SLC71A1: variants seen among roughly 807,000 people sequenced by gnomAD.
SLC71A1 encodes the protein solute carrier family 71 member 1.
At chr1:100,044,341 A>G in the SLC71A1 span, among the ~76,000 whole-genome samples, 1 of 152,062 alleles carries the variant, frequency 6.6e-6, no homozygotes, top group Non-Finnish European at 1.5e-5. Context: ...GGCTTATTGT[A>G]TGCCTTTTGA....
chr1:100,038,928 C>G, the SLC71A1 span, among the ~76,000 whole-genome samples: 1 of 152,222 alleles, frequency 6.6e-6, no homozygotes, highest in African/African-American at 2.4e-5. Flanking sequence ...ACGGCAGACA[C>G]CTGGGGCCTA....
chr1:100,053,091 TC>T, the SLC71A1 span, among the ~76,000 whole-genome samples: 1 of 152,372 alleles, frequency 6.6e-6, no homozygotes. Context: ...GCCTGGCATA[TC>T]TACTTTTTAG....
At chr1:100,043,864 A>C in the SLC71A1 span, among the ~76,000 whole-genome samples, 1 of 152,194 alleles carries the variant, frequency 6.6e-6, no homozygotes, top group East Asian at 1.9e-4. Flanking sequence ...ATTCCATCCA[A>C]GTTTCTGCAA....
chr1:100,069,876 A>C, the SLC71A1 span, among the ~76,000 whole-genome samples: 5 of 152,178 alleles, frequency 3.3e-5, no homozygotes, highest in Non-Finnish European at 7.4e-5. Flanking sequence ...TTAATATAGG[A>C]TATATAAACG....
the SLC71A1 span, among the ~76,000 whole-genome samples, chr1:100,073,160 C>T: frequency 1.2e-4 from 18 of 152,318 alleles, no homozygotes; most frequent in African/African-American, 4.1e-4. Context: ...TCACCTCTCT[C>T]TCCAAAATAT....
At chr1:100,069,901 T>C in the SLC71A1 span, among the ~76,000 whole-genome samples, 64 of 152,238 alleles carry the variant, frequency 4.2e-4, no homozygotes, top group Admixed American at 1.7e-3. Context: ...AGCTAGTTTA[T>C]TGATGTATAC....
the SLC71A1 span, chr1:100,082,055 T>A: frequency 6.2e-7 from 1 of 1,613,816 alleles, no homozygotes; most frequent in Non-Finnish European, 8.5e-7. Context: ...TCAGTACTGC[T>A]GGCTCTGCTT....
the SLC71A1 span, chr1:100,077,206 G>T: frequency 6.4e-7 from 1 of 1,564,950 alleles, no homozygotes; most frequent in Non-Finnish European, 8.7e-7. Context: ...TTGGAAATAA[G>T]AACACCATTT....
chr1:100,066,756 G>A, the SLC71A1 span, among the ~76,000 whole-genome samples: 5 of 152,042 alleles, frequency 3.3e-5, no homozygotes, highest in African/African-American at 1.2e-4. Flanking sequence ...TTGGGAGGCC[G>A]AGGCGGGCGG....
At chr1:100,080,514 T>C in the SLC71A1 span, 55 of 1,613,568 alleles carry the variant, frequency 3.4e-5, no homozygotes, top group Non-Finnish European at 1.8e-5. Flanking sequence ...CAAGGAATGA[T>C]AACAGGAATT....
chr1:100,040,383 C>T, the SLC71A1 span, among the ~76,000 whole-genome samples: 3 of 152,230 alleles, frequency 2.0e-5, no homozygotes, highest in Non-Finnish European at 4.4e-5. Context: ...CTATTGCAGT[C>T]ATAGAAATGA....
At chr1:100,074,659 A>T in the SLC71A1 span, among the ~76,000 whole-genome samples, 11 of 151,878 alleles carry the variant, frequency 7.2e-5, no homozygotes, top group Admixed American at 7.2e-4. Context: ...CAGCTGGATC[A>T]CAAGGTCAGA....
chr1:100,045,956 G>A, the SLC71A1 span, among the ~76,000 whole-genome samples: 2 of 152,180 alleles, frequency 1.3e-5, no homozygotes, highest in Admixed American at 6.5e-5. Context: ...ATGGCAAGAG[G>A]TAGGGGTATA....
At chr1:100,082,470 T>C in the SLC71A1 span, 31 of 448,002 alleles carry the variant, frequency 6.9e-5, no homozygotes, top group Middle Eastern at 6.3e-4. Context: ...TTATACATCC[T>C]TTAATTAAAA....
chr1:100,055,998 G>A, the SLC71A1 span, among the ~76,000 whole-genome samples: 2 of 152,122 alleles, frequency 1.3e-5, no homozygotes, highest in Non-Finnish European at 2.9e-5. Context: ...TGCTCTGCCC[G>A]CCTCAGCCTC....
the SLC71A1 span, among the ~76,000 whole-genome samples, chr1:100,059,286 G>A: frequency 6.7e-5 from 10 of 149,760 alleles, no homozygotes; most frequent in African/African-American, 2.5e-4. Flanking sequence ...AGCCTCCTAA[G>A]TAGCTGGGAC....
the SLC71A1 span, chr1:100,068,450 A>G: frequency 1.4e-6 from 2 of 1,459,706 alleles, no homozygotes; most frequent in South Asian, 1.2e-5. Context: ...ACCTTATATC[A>G]ATCAGTCTTT....
At chr1:100,058,822 C>G in the SLC71A1 span, 2 of 608,242 alleles carry the variant, frequency 3.3e-6, no homozygotes, top group South Asian at 2.5e-5. Context: ...TATAACTATG[C>G]GAATATATGT....
chr1:100,062,770 G>T, the SLC71A1 span, among the ~76,000 whole-genome samples: 1 of 152,020 alleles, frequency 6.6e-6, no homozygotes, highest in African/African-American at 2.4e-5. Flanking sequence ...TAGAGAGAAA[G>T]TTAGAAAAAG....
Sources: allele counts gnomAD v4.1 joint callset (sites outside exome capture counted in the v4.1 genomes callset), GRCh38; gene constraint gnomAD v4.1.1; transcripts MANE v1.5; gene names NCBI Gene and HGNC (gene_info 2026-07-23, HGNC 2026-07-21).